CNTN5: variants seen among roughly 807,000 people sequenced by gnomAD.
CNTN5 encodes contactin-5.
Under a neutral mutation model 129.1 loss-of-function variants are expected in CNTN5, and 77 were observed. That is an observed-to-expected ratio of 0.60 (90% CI 0.50 to 0.72). The LOEUF is 0.72. Among genes scored for constraint, CNTN5 ranks in the 30% least tolerant of loss-of-function variants. The probability of loss-of-function intolerance (pLI) is 0.00; values close to 1 mark genes in which losing one functional copy is unlikely to be tolerated. For synonymous variants in CNTN5, 509 were observed against 465.6 expected, an observed-to-expected ratio of 1.09 and a Z score of -1.20; for missense variants, 1,478 against 1,328.8, an observed-to-expected ratio of 1.11 and a Z score of -1.75.
intron 21 of CNTN5, among the ~76,000 whole-genome samples, chr11:100,313,645 A>G (rs1261341493): frequency 6.6e-6 from 1 of 151,964 alleles, no homozygotes; most frequent in Non-Finnish European, 1.5e-5. Flanking sequence ...GCCATTATAG[A>G]AGTGGTATTT....
At chr11:99,433,179 A>G (rs1943459373) in intron 2 of CNTN5, among the ~76,000 whole-genome samples, 1 of 152,086 alleles carries the variant, frequency 6.6e-6, no homozygotes, top group Non-Finnish European at 1.5e-5. Flanking sequence ...TGTAGAGAAA[A>G]CATGACTGCT....
intron 8 of CNTN5, among the ~76,000 whole-genome samples, chr11:99,999,100 G>A (rs7119776): frequency 0.26 from 39,295 of 151,664 alleles, 5,148 homozygotes; most frequent in East Asian, 0.37. Flanking sequence ...GCATGGGCAA[G>A]GACTTCATGT....
intron 2 of CNTN5, among the ~76,000 whole-genome samples, chr11:99,506,893 G>A (rs1946643530): frequency 6.6e-6 from 1 of 151,930 alleles, no homozygotes. Context: ...CAACCTGAGG[G>A]AATATTATAT....
chr11:99,054,787 G>A (rs1864564832), intron 1 of CNTN5, among the ~76,000 whole-genome samples: 1 of 151,780 alleles, frequency 6.6e-6, no homozygotes, highest in Admixed American at 6.6e-5. Context: ...GTATTGAAAG[G>A]CACCTTAAAT....
At chr11:99,987,955 G>A (rs551398573) in intron 8 of CNTN5, among the ~76,000 whole-genome samples, 5 of 152,182 alleles carry the variant, frequency 3.3e-5, no homozygotes, top group Non-Finnish European at 7.3e-5. Context: ...CACCAGGCTT[G>A]TAGCAGATGT....
chr11:100,055,887 A>T (rs183876894), intron 9 of CNTN5, among the ~76,000 whole-genome samples: 1 of 151,276 alleles, frequency 6.6e-6, no homozygotes, highest in Admixed American at 6.6e-5. Flanking sequence ...CTCTATCTCT[A>T]TATCTATTAT....
At chr11:99,134,777 A>G (rs1470284372) in intron 1 of CNTN5, among the ~76,000 whole-genome samples, 1 of 152,206 alleles carries the variant, frequency 6.6e-6, no homozygotes, top group Non-Finnish European at 1.5e-5. Context: ...AAAACGCTAT[A>G]TTGTGGAACA....
At chr11:99,170,927 A>T (rs1233003156) in intron 1 of CNTN5, among the ~76,000 whole-genome samples, 1 of 152,226 alleles carries the variant, frequency 6.6e-6, no homozygotes, top group Non-Finnish European at 1.5e-5. Flanking sequence ...TTAGAAACAC[A>T]TTTCTAAATT....
intron 6 of CNTN5, among the ~76,000 whole-genome samples, chr11:99,845,688 G>A (rs1947670438): frequency 6.6e-6 from 1 of 152,004 alleles, no homozygotes; most frequent in African/African-American, 2.4e-5. Flanking sequence ...GGGATATTTT[G>A]AAATTTTCTA....
At chr11:100,064,660 T>C (rs1591166720) in intron 10 of CNTN5, among the ~76,000 whole-genome samples, 1 of 152,276 alleles carries the variant, frequency 6.6e-6, no homozygotes, top group Non-Finnish European at 1.5e-5. Flanking sequence ...TCTTTGGCTA[T>C]TTCTGTCCCC....
chr11:99,375,884 A>G (rs144761266), intron 2 of CNTN5, among the ~76,000 whole-genome samples: 1 of 152,288 alleles, frequency 6.6e-6, no homozygotes, highest in Non-Finnish European at 1.5e-5. Context: ...AAAAAGCTGA[A>G]TTACTTAATA....
At chr11:100,187,697 CTTGGTCAATAAATGGTG>C (rs1948344244) in intron 13 of CNTN5, among the ~76,000 whole-genome samples, 1 of 152,138 alleles carries the variant, frequency 6.6e-6, no homozygotes, top group Non-Finnish European at 1.5e-5. Flanking sequence ...GAAAGGACTT[CTTGGTCAATAAATGGTG>C]TTGGGATCGC....
chr11:99,280,020 T>A (rs1298493739), intron 1 of CNTN5, among the ~76,000 whole-genome samples: 1 of 151,700 alleles, frequency 6.6e-6, no homozygotes, highest in African/African-American at 2.4e-5. Flanking sequence ...AATCAGGATA[T>A]TTTTAAAGGT....
chr11:99,938,258 C>G (rs1193192215), intron 7 of CNTN5, among the ~76,000 whole-genome samples: 1 of 152,048 alleles, frequency 6.6e-6, no homozygotes, highest in East Asian at 1.9e-4. Flanking sequence ...TAAACCATAC[C>G]CATGTCTTGT....
chr11:99,889,277 C>A (rs1948982564), intron 6 of CNTN5, among the ~76,000 whole-genome samples: 1 of 147,396 alleles, frequency 6.8e-6, no homozygotes, highest in Non-Finnish European at 1.5e-5. Flanking sequence ...ATTCTGGTTC[C>A]TTTCTCCAGA....
At chr11:100,030,234 C>G (rs1941639882) in intron 9 of CNTN5, among the ~76,000 whole-genome samples, 1 of 151,740 alleles carries the variant, frequency 6.6e-6, no homozygotes, top group African/African-American at 2.4e-5. Context: ...AAATTAAAGA[C>G]TAGCTATAGT....
chr11:99,747,318 CTT>C (rs1287996130), intron 3 of CNTN5, among the ~76,000 whole-genome samples: 1 of 152,042 alleles, frequency 6.6e-6, no homozygotes, highest in Non-Finnish European at 1.5e-5. Context: ...TTGGTGGAGT[CTT>C]TGCAGTTTTC....
At chr11:99,676,065 C>T (rs577651618) in intron 3 of CNTN5, among the ~76,000 whole-genome samples, 3 of 152,186 alleles carry the variant, frequency 2.0e-5, no homozygotes, top group Non-Finnish European at 4.4e-5. Flanking sequence ...TTGTAATTTT[C>T]GAATGGGATA....
intron 17 of CNTN5, among the ~76,000 whole-genome samples, chr11:100,266,645 T>TTTC (rs1950309379): frequency 2.0e-5 from 3 of 150,798 alleles, no homozygotes; most frequent in Admixed American, 6.6e-5. Context: ...TTTTTTTTTT[T>TTTC]CACTTTAAAG....
Sources: allele counts gnomAD v4.1 joint callset (sites outside exome capture counted in the v4.1 genomes callset), GRCh38; gene constraint gnomAD v4.1.1; transcripts MANE v1.5; gene names NCBI Gene and HGNC (gene_info 2026-07-23, HGNC 2026-07-21).